The following RAB3C variants were observed in gnomAD, a reference collection of about 807,000 sequenced individuals.
The protein encoded by RAB3C is RAB3C, member RAS oncogene family, also known as ras-related protein Rab-3C.
RAB3C carries 17 observed loss-of-function variants against 26.4 expected under a neutral mutation model. The observed-to-expected ratio is 0.64, with a 90% CI of 0.44 to 0.97. The LOEUF is 0.97. Among genes scored for constraint, RAB3C ranks in the 50% least tolerant of loss-of-function variants. The pLI, the probability that RAB3C is intolerant of heterozygous loss-of-function variation, is 0.00. For synonymous variants in RAB3C, 91 were observed against 95.9 expected (o/e 0.95, Z 0.30); for missense variants, 242 against 281.9 (o/e 0.86, Z 1.01).
intron 2 of RAB3C, among the ~76,000 whole-genome samples, chr5:58,694,230 C>T (rs899813806): frequency 2.6e-5 from 4 of 152,126 alleles, no homozygotes; most frequent in African/African-American, 9.7e-5. Flanking sequence ...TGATGGTTTC[C>T]AGTTTCATCC....
intron 4 of RAB3C, among the ~76,000 whole-genome samples, chr5:58,830,927 C>CA (rs1743600079): frequency 6.6e-6 from 1 of 151,848 alleles, no homozygotes; most frequent in Non-Finnish European, 1.5e-5. Context: ...GGCTGGAGTG[C>CA]AATAGTAGCA....
At chr5:58,833,873 TAGG>T (rs143150090) in intron 4 of RAB3C, among the ~76,000 whole-genome samples, 1 of 152,300 alleles carries the variant, frequency 6.6e-6, no homozygotes, top group African/African-American at 2.4e-5. Context: ...GTGATACACA[TAGG>T]AGGACAGTGG....
intron 2 of RAB3C, chr5:58,644,472 A>T (rs1747476129): frequency 6.6e-6 from 1 of 152,100 alleles, no homozygotes; most frequent in Non-Finnish European, 1.5e-5. Flanking sequence ...CATAATTATG[A>T]TATCTGAGAC....
At chr5:58,841,612 G>A (rs570932374) in intron 4 of RAB3C, among the ~76,000 whole-genome samples, 85 of 152,230 alleles carry the variant, frequency 5.6e-4, no homozygotes, top group African/African-American at 2.0e-3. Context: ...AATTCCTAGC[G>A]GCTCTCCAAA....
intron 4 of RAB3C, among the ~76,000 whole-genome samples, chr5:58,833,357 C>A (rs1561146046): frequency 6.6e-6 from 1 of 151,892 alleles, no homozygotes. Context: ...CACACACACA[C>A]ACACATATTA....
chr5:58,672,428 T>G (rs1748139009), intron 2 of RAB3C, among the ~76,000 whole-genome samples: 1 of 152,162 alleles, frequency 6.6e-6, no homozygotes, highest in African/African-American at 2.4e-5. Context: ...CCAAACTATT[T>G]CCTTGAGGCT....
intron 3 of RAB3C, among the ~76,000 whole-genome samples, chr5:58,763,760 A>G (rs1389341715): frequency 1.3e-5 from 2 of 152,248 alleles, no homozygotes; most frequent in Non-Finnish European, 2.9e-5. Flanking sequence ...GATTTAGAGT[A>G]AGAAAGTTAT....
chr5:58,592,736 T>C (rs1360108973), intron 1 of RAB3C, among the ~76,000 whole-genome samples: 2 of 152,174 alleles, frequency 1.3e-5, no homozygotes, highest in Admixed American at 1.3e-4. Flanking sequence ...GCTGTTTCGT[T>C]GTCTGCTGAT....
chr5:58,744,116 A>G (rs547661277), intron 3 of RAB3C, among the ~76,000 whole-genome samples: 448 of 152,332 alleles, frequency 2.9e-3, no homozygotes, highest in Non-Finnish European at 4.6e-3. Context: ...AAAAGGATTC[A>G]TATAACAAGT....
At chr5:58,739,027 G>T (rs172398) in intron 3 of RAB3C, among the ~76,000 whole-genome samples, 84,480 of 152,000 alleles carry the variant, frequency 0.56, 23,732 homozygotes, top group East Asian at 0.62. Flanking sequence ...GGGTTTTGGT[G>T]GGCATTATAA....
At chr5:58,669,096 A>G (rs1270588192) in intron 2 of RAB3C, among the ~76,000 whole-genome samples, 1 of 152,106 alleles carries the variant, frequency 6.6e-6, no homozygotes, top group African/African-American at 2.4e-5. Context: ...TACCTCCTGA[A>G]GGCCTCCAAA....
chr5:58,781,373 T>C (rs1371787231), intron 3 of RAB3C, among the ~76,000 whole-genome samples: 1 of 152,172 alleles, frequency 6.6e-6, no homozygotes, highest in Non-Finnish European at 1.5e-5. Context: ...GTCTTCTAAT[T>C]TGGCTTCTGT....
At chr5:58,846,168 TG>T (rs1203432341) in intron 4 of RAB3C, among the ~76,000 whole-genome samples, 40 of 152,202 alleles carry the variant, frequency 2.6e-4, no homozygotes, top group Non-Finnish European at 2.1e-4. Flanking sequence ...TAACACATTT[TG>T]TTTATCCATT....
chr5:58,763,943 C>T (rs1239555882), intron 3 of RAB3C, among the ~76,000 whole-genome samples: 1 of 152,178 alleles, frequency 6.6e-6, no homozygotes, highest in African/African-American at 2.4e-5. Flanking sequence ...TCAGGGTCTG[C>T]ACCCACTTCT....
At chr5:58,830,564 A>T (rs1352564883) in intron 4 of RAB3C, among the ~76,000 whole-genome samples, 1 of 152,180 alleles carries the variant, frequency 6.6e-6, no homozygotes. Flanking sequence ...ACTGAGCCTG[A>T]ATGACCCCAG....
intron 2 of RAB3C, among the ~76,000 whole-genome samples, chr5:58,655,789 CTTTTTTTTT>C (rs34352086): frequency 3.3e-5 from 3 of 91,604 alleles, no homozygotes; most frequent in African/African-American, 8.7e-5. Flanking sequence ...AAACCTAACT[CTTTTTTTTT>C]TTTTTTTTTT....
At chr5:58,722,577 G>T (rs1247730379) in intron 2 of RAB3C, among the ~76,000 whole-genome samples, 1 of 151,780 alleles carries the variant, frequency 6.6e-6, no homozygotes, top group South Asian at 2.1e-4. Flanking sequence ...GTTATAAGGG[G>T]TTATGCTCCC....
intron 2 of RAB3C, among the ~76,000 whole-genome samples, chr5:58,648,708 G>A (rs1431633823): frequency 1.3e-5 from 2 of 151,950 alleles, no homozygotes; most frequent in Admixed American, 1.3e-4. Context: ...AAATACTCAA[G>A]TATTTTATGC....
intron 3 of RAB3C, among the ~76,000 whole-genome samples, chr5:58,750,149 T>C (rs1173408368): frequency 1.3e-5 from 2 of 152,230 alleles, no homozygotes; most frequent in African/African-American, 2.4e-5. Context: ...TATTTTGCTA[T>C]ATTACAGGGC....
Sources: allele counts gnomAD v4.1 joint callset (sites outside exome capture counted in the v4.1 genomes callset), GRCh38; gene constraint gnomAD v4.1.1; transcripts MANE v1.5; gene names NCBI Gene and HGNC (gene_info 2026-07-23, HGNC 2026-07-21).